MNAT1: variants seen among roughly 807,000 people sequenced by gnomAD.
MNAT1 encodes MNAT1 component of CDK activating kinase.
In MNAT1, 43 loss-of-function variants were observed where a neutral mutation model predicts 42.0. The ratio of observed to expected loss-of-function variants is 1.02; its 90% CI spans 0.80 to 1.32. The LOEUF is 1.32. Among genes scored for constraint, MNAT1 ranks in the 40% most tolerant of loss-of-function variants. The probability of loss-of-function intolerance (pLI) is 0.00; values close to 1 mark genes in which losing one functional copy is unlikely to be tolerated. For synonymous variants in MNAT1, 118 were observed against 120.0 expected, an observed-to-expected ratio of 0.98 and a Z score of 0.11; for missense variants, 306 against 350.4, an observed-to-expected ratio of 0.87 and a Z score of 1.01.
intron 6 of MNAT1, among the ~76,000 whole-genome samples, chr14:60,860,187 C>T (rs1274329068): frequency 6.6e-6 from 1 of 152,062 alleles, no homozygotes. Context: ...AAACAACAGT[C>T]TGTAGAGATG....
chr14:60,794,760 T>G lies in MNAT1; in HGVS notation c.90-1457T>G, dbSNP rs574583192. On this transcript the variant is annotated intron_variant, in intron 1 of 7. Transcript: ENST00000261245. ...TATTTAAAGATCAATGTTAGTATTT[T>G]ACTAATAACCTTAAAAATTCTTATT... Among the ~76,000 whole-genome samples, 178 of 150,712 alleles carry G rather than the reference T, an allele frequency of 1.2e-3. 1 individual carries two copies. Among genetic ancestry groups the G allele is most frequent in the African/African-American group, 4.1e-3 (169 of 41,166 alleles).
intron 6 of MNAT1, among the ~76,000 whole-genome samples, chr14:60,855,415 T>A (rs556849363): frequency 9.2e-5 from 14 of 152,176 alleles, no homozygotes; most frequent in Non-Finnish European, 1.9e-4. Flanking sequence ...AGCTGCCCCA[T>A]TTTGTGTCTG....
intron 5 of MNAT1, among the ~76,000 whole-genome samples, chr14:60,813,276 C>T (rs1208941654): frequency 2.6e-5 from 4 of 152,154 alleles, no homozygotes; most frequent in African/African-American, 7.2e-5. Flanking sequence ...AAACTTGTTC[C>T]TGTATTGGTG....
rs778954262 is a variant in MNAT1, at chr14:60,968,527, T to C, written c.*178T>C. ...TTGAGTAATATAGGGGATATATATT[T>C]GTGAAAAATAATTTTTACTTATATT... On this transcript the variant is annotated 3_prime_UTR_variant, in exon 8 of 8. Transcript: ENST00000261245. 6.9e-7 allele frequency: 1 copy of C among 1,452,852 alleles called. No individual in the cohort carries two copies. Among genetic ancestry groups the C allele is most frequent in the Non-Finnish European group, 9.2e-7 (1 of 1,092,432 alleles). 90.0% of individuals were successfully genotyped at this position (1,452,852 alleles called of 1,614,324 possible).
chr14:60,837,206 C>T (rs1458233051), intron 6 of MNAT1, among the ~76,000 whole-genome samples: 1 of 152,204 alleles, frequency 6.6e-6, no homozygotes, highest in Non-Finnish European at 1.5e-5. Context: ...TCCCTGGCTT[C>T]AGCCCCCTTT....
chr14:60,907,782 CAAAAAAAAA>C (rs71114166), intron 7 of MNAT1, among the ~76,000 whole-genome samples: 2 of 77,554 alleles, frequency 2.6e-5, no homozygotes, highest in African/African-American at 1.0e-4. Context: ...AACTGTGTCT[CAAAAAAAAA>C]AAAAAAAAAA....
At chr14:60,871,752 A>G (rs1010647291) in intron 6 of MNAT1, among the ~76,000 whole-genome samples, 1 of 151,904 alleles carries the variant, frequency 6.6e-6, no homozygotes, top group Non-Finnish European at 1.5e-5. Flanking sequence ...CCTCCCGAGT[A>G]GCTGGGATTA....
chr14:60,874,679 A>G (rs1439110566), intron 6 of MNAT1, among the ~76,000 whole-genome samples: 2 of 152,272 alleles, frequency 1.3e-5, no homozygotes, highest in Middle Eastern at 3.4e-3. Context: ...ATAACTTATA[A>G]TTAGTATATC....
At chr14:60,916,407 C>T (rs2035514886) in intron 7 of MNAT1, among the ~76,000 whole-genome samples, 1 of 152,208 alleles carries the variant, frequency 6.6e-6, no homozygotes, top group Admixed American at 6.5e-5. Context: ...GCAATCCCAG[C>T]ACTTTGGGAG....
intron 1 of MNAT1, among the ~76,000 whole-genome samples, chr14:60,769,195 G>T (rs968452480): frequency 2.0e-5 from 3 of 152,012 alleles, no homozygotes; most frequent in Non-Finnish European, 4.4e-5. Flanking sequence ...GCCAGATATT[G>T]TTGGATCTCT....
At chr14:60,820,013 A>T (rs1480529580) in intron 6 of MNAT1, among the ~76,000 whole-genome samples, 8 of 152,176 alleles carry the variant, frequency 5.3e-5, no homozygotes, top group Admixed American at 5.2e-4. Context: ...TTTTATATAC[A>T]TAAAATTCAT....
intron 1 of MNAT1, among the ~76,000 whole-genome samples, chr14:60,775,013 G>A (rs971777314): frequency 6.6e-5 from 10 of 152,110 alleles, no homozygotes; most frequent in Admixed American, 5.9e-4. Context: ...AGATTTGGGA[G>A]GCACATTTAC....
intron 7 of MNAT1, among the ~76,000 whole-genome samples, chr14:60,922,325 G>C (rs1285139621): frequency 6.6e-6 from 1 of 152,050 alleles, no homozygotes; most frequent in Non-Finnish European, 1.5e-5. Context: ...CTGCTTGGAT[G>C]GATAGGAGAA....
chr14:60,810,344 T>C (rs192297708), intron 4 of MNAT1, among the ~76,000 whole-genome samples: 18 of 152,200 alleles, frequency 1.2e-4, no homozygotes, highest in African/African-American at 4.3e-4. Flanking sequence ...ATTTTTGCTC[T>C]AATGTTTGTT....
intron 6 of MNAT1, among the ~76,000 whole-genome samples, chr14:60,835,508 T>G (rs2033366222): frequency 6.6e-6 from 1 of 152,230 alleles, no homozygotes; most frequent in Admixed American, 6.5e-5. Context: ...GAAGCTTAGT[T>G]TGGCTGGATA....
chr14:60,818,041 C>T (rs987466217), intron 5 of MNAT1, among the ~76,000 whole-genome samples: 2 of 151,886 alleles, frequency 1.3e-5, no homozygotes, highest in Admixed American at 6.6e-5. Flanking sequence ...GACCTTAACT[C>T]CACAGCACTT....
intron 7 of MNAT1, among the ~76,000 whole-genome samples, chr14:60,905,638 A>G (rs1345387335): frequency 6.6e-6 from 1 of 152,184 alleles, no homozygotes; most frequent in East Asian, 1.9e-4. Flanking sequence ...CTGAGAATGG[A>G]GACTTAGCGG....
At chr14:60,878,055 G>A (rs1265633422) in intron 6 of MNAT1, among the ~76,000 whole-genome samples, 1 of 151,794 alleles carries the variant, frequency 6.6e-6, no homozygotes, top group Non-Finnish European at 1.5e-5. Flanking sequence ...CCTAATTTGA[G>A]CTTTCAAAAA....
intron 6 of MNAT1, among the ~76,000 whole-genome samples, chr14:60,854,727 G>A (rs571017256): frequency 2.6e-5 from 4 of 152,318 alleles, no homozygotes; most frequent in Admixed American, 6.5e-5. Context: ...CCTGTATGAC[G>A]TGTCTGTTGA....
Sources: allele counts gnomAD v4.1 joint callset (sites outside exome capture counted in the v4.1 genomes callset), GRCh38; gene constraint gnomAD v4.1.1; transcripts MANE v1.5; gene names NCBI Gene and HGNC (gene_info 2026-07-23, HGNC 2026-07-21).